Variants in SGIP1 observed in about 807,000 individuals in gnomAD.
SGIP1 encodes the protein SH3-containing GRB2-like protein 3-interacting protein 1.
Under a neutral mutation model 107.5 loss-of-function variants are expected in SGIP1, and 38 were observed. That is an observed-to-expected ratio of 0.35 (90% CI 0.27 to 0.46). SGIP1 has a LOEUF of 0.46. Among genes scored for constraint, SGIP1 ranks in the 20% least tolerant of loss-of-function variants. The probability of loss-of-function intolerance (pLI) is 1.00; values close to 1 mark genes in which losing one functional copy is unlikely to be tolerated. For missense variants in SGIP1, 929 were observed against 1,019.5 expected (o/e 0.91, Z 1.21); for synonymous variants, 365 against 366.1 (o/e 1.00, Z 0.03).
chr1:66,707,061 T>A (rs546947511), intron 18 of SGIP1, among the ~76,000 whole-genome samples: 103 of 152,218 alleles, frequency 6.8e-4, no homozygotes, highest in Middle Eastern at 3.4e-3. Context: ...AAATTCTTGA[T>A]GAAACCCTGT....
chr1:66,565,149 G>A (rs2059471018), intron 1 of SGIP1, among the ~76,000 whole-genome samples: 1 of 151,900 alleles, frequency 6.6e-6, no homozygotes, highest in Admixed American at 6.6e-5. Context: ...TTCCATGTCT[G>A]GGGAAAAACG....
At position 66,749,955 on chromosome 1, in the gene SGIP1, T is replaced by C. The variant is rs904553924; in HGVS notation, c.*6860T>C. On this transcript the variant is annotated 3_prime_UTR_variant, in exon 25 of 25. Coordinates refer to ENST00000371037, the MANE Select transcript of SGIP1 (RefSeq NM_032291.4). ...AGAATTTAGTTCTTGCTTTGTTAAA[T>C]GGACATACATGAAAGAGATTGGCTC... Among the ~76,000 whole-genome samples, 6 of 152,042 alleles carry C rather than the reference T, an allele frequency of 3.9e-5. No homozygotes were observed. The highest frequency in any genetic ancestry group is 6.6e-5 in the Admixed American group (1 of 15,250).
At chr1:66,740,213 T>A (rs1226451289) in intron 22 of SGIP1, among the ~76,000 whole-genome samples, 1 of 152,252 alleles carries the variant, frequency 6.6e-6, no homozygotes, top group Non-Finnish European at 1.5e-5. Context: ...AGATACATTG[T>A]GCCTATATCA....
chr1:66,691,614 T>C (rs2089873192), intron 17 of SGIP1, among the ~76,000 whole-genome samples: 1 of 151,922 alleles, frequency 6.6e-6, no homozygotes, highest in Admixed American at 6.6e-5. Context: ...TTTCCCTCTG[T>C]TTTGTTTGTT....
At position 66,552,759 on chromosome 1, in the gene SGIP1, A is replaced by G. The variant is rs1354274318; in HGVS notation, c.10+18391A>G. Among the ~76,000 whole-genome samples, 8 of 152,154 alleles carry G rather than the reference A, an allele frequency of 5.3e-5. No homozygotes were observed. The East Asian group carries it at 1.5e-3, about 29-fold the overall frequency. ...TACATAGCTTAGTGGTTGCCACATA[A>G]TAATTGCTCGCCTAATTAATCTTCT... On this transcript the variant is annotated intron_variant, in intron 1 of 24. Transcript: ENST00000371037.
rs543603685 is a variant in SGIP1, at chr1:66,597,638, C to T, written c.11-28209C>T. Among the ~76,000 whole-genome samples the T allele has an allele frequency of 4.6e-5, 7 of 152,122 alleles. No homozygotes were observed. In the South Asian group the frequency reaches 1.4e-3, roughly 32 times the overall value. ...CTGAAGATCTTACTTCCTCAGAATC[C>T]TTCTCAACACACACTCAAGGTAGCC... On this transcript the variant is annotated intron_variant, in intron 1 of 24. Coordinates refer to ENST00000371037, the MANE Select transcript of SGIP1 (RefSeq NM_032291.4).
Position 66,746,482 on chromosome 1 carries a change from G to C in SGIP1, c.*3387G>C, listed in dbSNP as rs528338414. 1 of 152,164 alleles carries C rather than the reference G, an allele frequency of 6.6e-6. No homozygotes were observed. Among genetic ancestry groups the C allele is most frequent in the South Asian group, 2.1e-4 (1 of 4,820 alleles). The allele number at this position is 152,164 out of a possible 1,614,324, so 9.4% of individuals were successfully genotyped here. On this transcript the variant is annotated 3_prime_UTR_variant, in exon 25 of 25. Transcript: ENST00000371037. ...AAGTTCCACAGTTGTAATTTACTCA[G>C]ATAAACCACCTTTTGAGGCTTTATA...
intron 18 of SGIP1, among the ~76,000 whole-genome samples, chr1:66,705,088 C>G (rs1457340418): frequency 1.3e-5 from 2 of 152,150 alleles, no homozygotes; most frequent in Non-Finnish European, 2.9e-5. Context: ...AAGATTTGAA[C>G]CTTTTTATGT....
chr1:66,547,169 A>G (rs1012588893), intron 1 of SGIP1, among the ~76,000 whole-genome samples: 1 of 152,186 alleles, frequency 6.6e-6, no homozygotes, highest in Non-Finnish European at 1.5e-5. Flanking sequence ...AATCCCTGCT[A>G]CAGGCAACCC....
chr1:66,600,469 G>A (rs1266381265), intron 1 of SGIP1, among the ~76,000 whole-genome samples: 1 of 152,112 alleles, frequency 6.6e-6, no homozygotes, highest in African/African-American at 2.4e-5. Context: ...AAAGAATAAC[G>A]AGTTCCACCT....
intron 1 of SGIP1, among the ~76,000 whole-genome samples, chr1:66,583,361 T>G (rs2062079752): frequency 6.6e-6 from 1 of 151,996 alleles, no homozygotes; most frequent in African/African-American, 2.4e-5. Flanking sequence ...ATTCACCCCA[T>G]CCTACTGAGT....
At position 66,719,416 on chromosome 1, in the gene SGIP1, T is replaced by C. The variant is rs1388663532; in HGVS notation, c.1742+11T>C. 4 of 1,599,396 alleles carry C rather than the reference T, an allele frequency of 2.5e-6. No homozygotes were observed. Among genetic ancestry groups the C allele is most frequent in the African/African-American group, 2.7e-5 (2 of 74,734 alleles). Reference sequence around the variant, plus strand: ...AGCAGACCCAAGCAAGTAAGCCTGATACTTGGTCCATTGTACTTTCTGAGT... The same window carrying C: ...AGCAGACCCAAGCAAGTAAGCCTGACACTTGGTCCATTGTACTTTCTGAGT... On this transcript the variant is annotated intron_variant, in intron 19 of 24. Transcript: ENST00000371037.
chr1:66,592,043 C>G (rs550580048), intron 1 of SGIP1, among the ~76,000 whole-genome samples: 1 of 152,162 alleles, frequency 6.6e-6, no homozygotes. Flanking sequence ...ACATTCCATT[C>G]CCAAGGACGA....
chr1:66,644,258 C>T lies in SGIP1; in HGVS notation c.459+539C>T, dbSNP rs80197360. On this transcript the variant is annotated intron_variant, in intron 7 of 24. Coordinates refer to ENST00000371037, the MANE Select transcript of SGIP1 (RefSeq NM_032291.4). ...GTATTATCAAATTGACTTAAATAATCTCATCTTTAAGGTACCTCAGATATA... is the reference window on the plus strand; with the variant it reads ...GTATTATCAAATTGACTTAAATAATTTCATCTTTAAGGTACCTCAGATATA... Among the ~76,000 whole-genome samples, 270 of 152,022 alleles carry T rather than the reference C, an allele frequency of 1.8e-3. 1 individual carries two copies. The highest frequency in any genetic ancestry group is 9.0e-3 in the Admixed American group (137 of 15,284).
chr1:66,594,576 A>C (rs1039257512), intron 1 of SGIP1, among the ~76,000 whole-genome samples: 2 of 152,310 alleles, frequency 1.3e-5, no homozygotes, highest in Admixed American at 1.3e-4. Context: ...GTGCTCAGTG[A>C]TGAGCAGGCT....
At chr1:66,575,921 A>G (rs534883187) in intron 1 of SGIP1, among the ~76,000 whole-genome samples, 3 of 152,326 alleles carry the variant, frequency 2.0e-5, no homozygotes, top group South Asian at 4.1e-4. Context: ...TCCAGGCTTC[A>G]GTAGCAGTTT....
chr1:66,659,124 G>A lies in SGIP1; in HGVS notation c.460-1389G>A, dbSNP rs142520677. On this transcript the variant is annotated intron_variant, in intron 7 of 24. Transcript: ENST00000371037. Reference sequence around the variant, plus strand: ...GAATGGAGTTGGCATTCTATTTTCCGGATAATAAGGAGGTTTTTTAAGGGC... The same window carrying A: ...GAATGGAGTTGGCATTCTATTTTCCAGATAATAAGGAGGTTTTTTAAGGGC... Among the ~76,000 whole-genome samples the A allele has an allele frequency of 1.8e-4, 27 of 152,206 alleles. 1 individual carries two copies. The East Asian group carries it at 3.9e-3, about 22-fold the overall frequency.
At chr1:66,658,781 A>T (rs901227400) in intron 7 of SGIP1, among the ~76,000 whole-genome samples, 4 of 152,242 alleles carry the variant, frequency 2.6e-5, no homozygotes, top group Non-Finnish European at 4.4e-5. Context: ...GCCAATAGAA[A>T]GGCCTTCAAT....
rs982455029 is a variant in SGIP1, at chr1:66,648,148, A to G, written c.459+4429A>G. 2.7e-4 allele frequency among the ~76,000 whole-genome samples: 41 copies of G among 152,196 alleles called. 1 individual carries two copies. The highest frequency in any genetic ancestry group is 2.0e-4 in the Admixed American group (3 of 15,276). ...TGAATAACCTTGATACTGCTCAACCAGTCAGTGCTCTGATGTGGGCCACAC... is the reference window on the plus strand; with the variant it reads ...TGAATAACCTTGATACTGCTCAACCGGTCAGTGCTCTGATGTGGGCCACAC... On this transcript the variant is annotated intron_variant, in intron 7 of 24. Coordinates refer to ENST00000371037, the MANE Select transcript of SGIP1 (RefSeq NM_032291.4).
Sources: gnomAD v4.1 joint callset for allele counts (sites outside exome capture counted in the v4.1 genomes callset) on GRCh38, gnomAD v4.1.1 for gene constraint, MANE v1.5 for transcripts, NCBI Gene and HGNC (gene_info 2026-07-23, HGNC 2026-07-21) for gene names.